The following NBDY variants were observed in gnomAD, a reference collection of about 807,000 sequenced individuals.
The protein encoded by NBDY is negative regulator of P-body association, also known as P-body dissociating protein.
intron 2 of NBDY, among the ~76,000 whole-genome samples, chrX:56,808,978 C>T (rs2069870393): frequency 8.9e-6 from 1 of 112,497 alleles, no homozygotes; most frequent in Non-Finnish European, 1.9e-5. Context: ...CTCATTCATT[C>T]AAGGAACATA....
intron 2 of NBDY, among the ~76,000 whole-genome samples, chrX:56,789,863 G>A (rs1246465504): frequency 9.0e-6 from 1 of 111,653 alleles, no homozygotes; most frequent in African/African-American, 3.3e-5. Context: ...ATGTGCATGG[G>A]TAGCCAGAGC....
intron 2 of NBDY, among the ~76,000 whole-genome samples, chrX:56,789,790 G>T (rs2069750966): frequency 9.0e-6 from 1 of 111,625 alleles, no homozygotes; most frequent in Admixed American, 9.4e-5. Flanking sequence ...TACTGAGCGT[G>T]CATGCTCACT....
At chrX:56,791,593 C>T (rs985066097) in intron 2 of NBDY, among the ~76,000 whole-genome samples, 2 of 111,311 alleles carry the variant, frequency 1.8e-5, no homozygotes, top group Admixed American at 9.5e-5. Flanking sequence ...AAGATCCCAA[C>T]GAAAAGAAGC....
At chrX:56,759,541 G>A (rs1381504459) in intron 2 of NBDY, among the ~76,000 whole-genome samples, 3 of 109,924 alleles carry the variant, frequency 2.7e-5, no homozygotes, top group Non-Finnish European at 3.8e-5. Context: ...GGGAAAAGGC[G>A]GAGGACCTCG....
At chrX:56,745,222 G>T (rs1569284776) in intron 2 of NBDY, among the ~76,000 whole-genome samples, 1 of 111,081 alleles carries the variant, frequency 9.0e-6, no homozygotes, top group South Asian at 3.8e-4. Flanking sequence ...GCAAACATGA[G>T]ATTTCATCAC....
chrX:56,782,659 A>T (rs956257315), intron 2 of NBDY, among the ~76,000 whole-genome samples: 3 of 111,926 alleles, frequency 2.7e-5, no homozygotes, highest in African/African-American at 9.8e-5. Context: ...CTGTTCGTGG[A>T]TGCACTAGGT....
rs2069916748 is a variant in NBDY at position 56,817,621 on chromosome X, G to A, written c.*468G>A. 8.9e-6 allele frequency: 1 copy of A among 112,120 alleles called. No individual in the cohort carries two copies. The highest frequency in any genetic ancestry group is 3.2e-5 in the African/African-American group (1 of 30,899). The allele number at this position is 112,120 out of a possible 1,213,427, so 9.2% of individuals were successfully genotyped here. On this transcript the variant is annotated 3_prime_UTR_variant, in exon 3 of 3. Transcript: ENST00000374922. ...ACATCTAGTAAATTGTGAATTTTAA[G>A]TAAATATTTTATAAGAACTCCTATG...
intron 2 of NBDY, among the ~76,000 whole-genome samples, chrX:56,760,513 C>T (rs1273827676): frequency 8.9e-6 from 1 of 111,945 alleles, no homozygotes; most frequent in African/African-American, 3.3e-5. Context: ...TGGAGAAACC[C>T]TGTCTCTATT....
chrX:56,749,960 C>T (rs761263635), intron 2 of NBDY, among the ~76,000 whole-genome samples: 1 of 111,579 alleles, frequency 9.0e-6, no homozygotes, highest in East Asian at 2.8e-4. Flanking sequence ...TGCACATTTA[C>T]GTCTTAAAAT....
intron 2 of NBDY, among the ~76,000 whole-genome samples, chrX:56,732,835 A>G (rs1029851752): frequency 1.8e-5 from 2 of 111,594 alleles, no homozygotes; most frequent in Non-Finnish European, 1.9e-5. Flanking sequence ...CCACTTTCAT[A>G]TCCTTTCTTC....
intron 2 of NBDY, among the ~76,000 whole-genome samples, chrX:56,743,449 T>C (rs1484917138): frequency 2.7e-5 from 3 of 111,000 alleles, no homozygotes; most frequent in African/African-American, 9.8e-5. Flanking sequence ...GGAGACTTTT[T>C]ATTATGGCTT....
intron 2 of NBDY, among the ~76,000 whole-genome samples, chrX:56,801,245 C>T (rs2069820935): frequency 8.9e-6 from 1 of 112,099 alleles, no homozygotes; most frequent in South Asian, 3.8e-4. Context: ...CTAGGTCCTT[C>T]AGGACAGCTG....
chrX:56,746,220 T>C (rs1324645240), intron 2 of NBDY, among the ~76,000 whole-genome samples: 3 of 111,133 alleles, frequency 2.7e-5, no homozygotes, highest in African/African-American at 9.8e-5. Context: ...AGCAGCTTCA[T>C]GTGCAGTCTC....
At chrX:56,767,368 C>T (rs1420619342) in intron 2 of NBDY, among the ~76,000 whole-genome samples, 1 of 113,304 alleles carries the variant, frequency 8.8e-6, no homozygotes, top group African/African-American at 3.2e-5. Context: ...GGCGCCCCCT[C>T]GGCATTGGCG....
At chrX:56,729,709 C>A (rs1297872586) in intron 1 of NBDY, 120 bp downstream of exon 1, 12 of 284,784 alleles carry the variant, frequency 4.2e-5, no homozygotes, top group Non-Finnish European at 6.7e-5. Context: ...AAATAACATG[C>A]AGGGATTAAG....
chrX:56,817,145 T>C (rs1014331029), intron 2 of NBDY, among the ~76,000 whole-genome samples, 175 bp from the exon 3 acceptor site: 1 of 111,934 alleles, frequency 8.9e-6, no homozygotes, highest in Non-Finnish European at 1.9e-5. Flanking sequence ...GTTATTGACA[T>C]TGTATGCCTT....
At chrX:56,733,305 CT>C (rs1159944740) in intron 2 of NBDY, among the ~76,000 whole-genome samples, 3 of 107,914 alleles carry the variant, frequency 2.8e-5, no homozygotes, top group Non-Finnish European at 5.8e-5. Context: ...TCTTATTTTT[CT>C]TTTTTAATTT....
intron 1 of NBDY, 56 bp from the exon 2 acceptor site, chrX:56,732,007 A>G (rs774308995): frequency 3.5e-6 from 1 of 289,688 alleles, no homozygotes; most frequent in Non-Finnish European, 6.0e-6. Flanking sequence ...CCAAGGGACA[A>G]AGAGATGGAC....
chrX:56,758,989 G>T (rs768158187), intron 2 of NBDY, among the ~76,000 whole-genome samples: 2 of 112,183 alleles, frequency 1.8e-5, no homozygotes, highest in Admixed American at 9.4e-5. Context: ...AAGGTTGCAT[G>T]TCCTACCCAT....
Sources: allele counts gnomAD v4.1 joint callset (sites outside exome capture counted in the v4.1 genomes callset), GRCh38; gene constraint gnomAD v4.1.1; transcripts MANE v1.5; gene names NCBI Gene and HGNC (gene_info 2026-07-23, HGNC 2026-07-21).